UNC13C: variants seen among roughly 807,000 people sequenced by gnomAD.
UNC13C encodes the protein unc-13 homolog C.
In UNC13C, 174 loss-of-function variants were observed where a neutral mutation model predicts 245.4. That is an observed-to-expected ratio of 0.71 (90% confidence interval 0.63 to 0.80). UNC13C has a LOEUF of 0.80. UNC13C is among the 30% of genes least tolerant of loss of function. The probability of loss-of-function intolerance (pLI) is 0.00; values close to 1 mark genes in which losing one functional copy is unlikely to be tolerated. For synonymous variants in UNC13C, 992 were observed against 895.1 expected (o/e 1.11, Z -1.93); for missense variants, 2,829 against 2,602.9 (o/e 1.09, Z -1.89).
intron 29 of UNC13C, among the ~76,000 whole-genome samples, chr15:54,563,650 A>G (rs936644683): frequency 1.3e-5 from 2 of 152,008 alleles, no homozygotes; most frequent in African/African-American, 2.4e-5. Flanking sequence ...CACATTTACA[A>G]ATTCCTTTCT....
chr15:54,631,388 C>G (rs1901454289), downstream of UNC13C: 1 of 152,158 alleles, frequency 6.6e-6, no homozygotes, highest in Non-Finnish European at 1.5e-5. Context: ...CTAAAATTCT[C>G]TCTTTTGGCA....
intron 30 of UNC13C, among the ~76,000 whole-genome samples, chr15:54,568,831 A>C (rs1486506033): frequency 6.6e-6 from 1 of 152,156 alleles, no homozygotes; most frequent in Non-Finnish European, 1.5e-5. Flanking sequence ...TCTTGGATAC[A>C]TTAATTTTTC....
chr15:54,143,096 T>C (rs2032098942), intron 3 of UNC13C, 56 bp downstream of exon 3: 1 of 1,493,522 alleles, frequency 6.7e-7, no homozygotes, highest in Non-Finnish European at 9.3e-7. Context: ...TGTACATGTT[T>C]GTTTGTGACA....
At chr15:53,915,879 G>A in the UNC13C span, among the ~76,000 whole-genome samples, 1 of 152,088 alleles carries the variant, frequency 6.6e-6, no homozygotes, top group Non-Finnish European at 1.5e-5. Flanking sequence ...ATGAATTAAG[G>A]TACATATAGA....
chr15:54,614,217 T>C (rs1471541053), intron 30 of UNC13C, among the ~76,000 whole-genome samples: 1 of 152,044 alleles, frequency 6.6e-6, no homozygotes, highest in African/African-American at 2.4e-5. Context: ...TCTCTCATTA[T>C]TGCTAGTGTC....
intron 30 of UNC13C, among the ~76,000 whole-genome samples, chr15:54,584,247 A>AT (rs1566923463): frequency 6.6e-6 from 1 of 152,186 alleles, no homozygotes; most frequent in Non-Finnish European, 1.5e-5. Flanking sequence ...CTGACAATAT[A>AT]TATTTATACT....
intron 17 of UNC13C, among the ~76,000 whole-genome samples, chr15:54,384,074 C>G (rs1357371128): frequency 6.6e-6 from 1 of 152,014 alleles, no homozygotes; most frequent in Admixed American, 6.6e-5. Context: ...ATTGAAATGA[C>G]CATACTACCC....
At chr15:53,942,878 G>C in the UNC13C span, among the ~76,000 whole-genome samples, 2 of 152,144 alleles carry the variant, frequency 1.3e-5, no homozygotes, top group African/African-American at 2.4e-5. Context: ...GCCCAGGCTG[G>C]CCTCAAGCTC....
the UNC13C span, among the ~76,000 whole-genome samples, chr15:53,845,362 G>A: frequency 1.3e-4 from 19 of 151,518 alleles, no homozygotes; most frequent in African/African-American, 4.6e-4. Context: ...GTTCAGCATG[G>A]AACAGTATAG....
intron 13 of UNC13C, among the ~76,000 whole-genome samples, chr15:54,320,431 A>G (rs540423034): frequency 1.5e-5 from 2 of 134,884 alleles, no homozygotes; most frequent in South Asian, 2.3e-4. Flanking sequence ...TGATCAAACT[A>G]TTACATTTAG....
chr15:54,238,780 A>T (rs2035774778), intron 7 of UNC13C, among the ~76,000 whole-genome samples: 1 of 152,124 alleles, frequency 6.6e-6, no homozygotes, highest in African/African-American at 2.4e-5. Flanking sequence ...GATGTTTGTA[A>T]ATTCTGATTG....
At chr15:53,856,627 T>C in the UNC13C span, among the ~76,000 whole-genome samples, 1 of 152,210 alleles carries the variant, frequency 6.6e-6, no homozygotes. Flanking sequence ...TAATCTTGAG[T>C]TCTAGTTAGA....
At chr15:54,193,491 C>T (rs1375757481) in intron 4 of UNC13C, among the ~76,000 whole-genome samples, 3 of 151,960 alleles carry the variant, frequency 2.0e-5, no homozygotes, top group Non-Finnish European at 4.4e-5. Context: ...TCTTTTTCTC[C>T]TTCCCCTGTA....
chr15:54,242,799 A>G (rs979648272), intron 7 of UNC13C, among the ~76,000 whole-genome samples: 1 of 152,222 alleles, frequency 6.6e-6, no homozygotes, highest in Non-Finnish European at 1.5e-5. Flanking sequence ...ATGCATAAGT[A>G]CATACTAAAA....
the UNC13C span, among the ~76,000 whole-genome samples, chr15:53,916,679 A>T: frequency 6.6e-6 from 1 of 152,196 alleles, no homozygotes; most frequent in African/African-American, 2.4e-5. Flanking sequence ...GCTGGGCTTA[A>T]CTCAGAAATA....
the UNC13C span, among the ~76,000 whole-genome samples, chr15:53,866,575 A>G: frequency 6.6e-6 from 1 of 152,214 alleles, no homozygotes; most frequent in Non-Finnish European, 1.5e-5. Flanking sequence ...TAGAAACAAT[A>G]AGGAAAGACA....
At chr15:54,567,028 C>G (rs1897545718) in intron 29 of UNC13C, among the ~76,000 whole-genome samples, 1 of 151,930 alleles carries the variant, frequency 6.6e-6, no homozygotes, top group South Asian at 2.1e-4. Context: ...AAAAAAACAT[C>G]CTTAGTTCTA....
chr15:53,850,245 C>T, the UNC13C span, among the ~76,000 whole-genome samples: 3 of 151,846 alleles, frequency 2.0e-5, no homozygotes, highest in East Asian at 3.9e-4. Flanking sequence ...GAGACCCCAT[C>T]TCCACAAAAA....
At chr15:53,883,293 C>A in the UNC13C span, among the ~76,000 whole-genome samples, 1 of 152,118 alleles carries the variant, frequency 6.6e-6, no homozygotes, top group Non-Finnish European at 1.5e-5. Flanking sequence ...CTCAAAAATG[C>A]GGAATTGGTT....
Sources: allele counts gnomAD v4.1 joint callset (sites outside exome capture counted in the v4.1 genomes callset), GRCh38; gene constraint gnomAD v4.1.1; transcripts MANE v1.5; gene names NCBI Gene and HGNC (gene_info 2026-07-23, HGNC 2026-07-21).